Variants in GCN1 observed in about 807,000 individuals in gnomAD.
GCN1 encodes the protein GCN1 activator of EIF2AK4.
A neutral mutation model predicts 288.4 loss-of-function variants in GCN1; 90 were observed. The observed-to-expected ratio is 0.31, with a 90% confidence interval of 0.26 to 0.37. The LOEUF (loss-of-function observed/expected upper bound fraction) is 0.37, where lower values mean the gene tolerates loss of function less well. Ranked by LOEUF, GCN1 falls within the 10% of genes least tolerant of loss-of-function variation. GCN1 has a pLI of 1.00. For synonymous variants in GCN1, 1,386 were observed against 1,420.2 expected (o/e 0.98, Z 0.54); for missense variants, 2,586 against 3,419.9 (o/e 0.76, Z 6.08).
At chr12:120,175,064 T>A in intron 12 of GCN1, 98 bp downstream of exon 12, 1 of 1,002,148 alleles carries the variant, frequency 1.0e-6, no homozygotes, top group Non-Finnish European at 1.5e-6. Flanking sequence ...GAGGCAGAGG[T>A]TGCAGTGAGC....
At chr12:120,145,621 A>C (rs1173673438) in intron 38 of GCN1, among the ~76,000 whole-genome samples, 1 of 152,194 alleles carries the variant, frequency 6.6e-6, no homozygotes, top group African/African-American at 2.4e-5. Flanking sequence ...CTTAGGACCA[A>C]GGCCTGTCCA....
Position 120,162,020 on chromosome 12 carries a change from C to T in GCN1, c.2202G>A (p.Ser734=), listed in dbSNP as rs370980391. 1.4e-5 allele frequency: 22 copies of T among 1,613,370 alleles called. No homozygotes were observed. Among genetic ancestry groups the T allele is most frequent in the Admixed American group, 8.3e-5 (5 of 60,004 alleles). The change falls in exon 21 of 58, where the codon TCG becomes TCA. Residue 734 remains serine (S), a synonymous_variant. Coordinates refer to ENST00000300648, the MANE Select transcript of GCN1 (RefSeq NM_006836.2). ...MNAMGSLSVL[S]PDRVLPQLIS... ...TGAGCTGTGGGAGGACCCGGTCCGGCGACAGGACGGAAAGGGAGCCCATGG... is the reference window on the plus strand; with the variant it reads ...TGAGCTGTGGGAGGACCCGGTCCGGTGACAGGACGGAAAGGGAGCCCATGG...
intron 14 of GCN1, among the ~76,000 whole-genome samples, chr12:120,173,147 T>C (rs976284859): frequency 6.1e-5 from 9 of 147,378 alleles, no homozygotes; most frequent in African/African-American, 1.2e-4. Context: ...GCAACCTCCA[T>C]CTACCGGGTT....
At position 120,153,208 on chromosome 12, in the gene GCN1, G is replaced by T; in HGVS notation, c.4062+5C>A. On this transcript the variant is annotated splice_donor_5th_base_variant and intron_variant, in intron 33 of 57. Coordinates refer to ENST00000300648, the MANE Select transcript of GCN1 (RefSeq NM_006836.2). This position sits in a 1 kb window ranked among gnomAD's most constrained non-coding sequence, Gnocchi z 4.4. ...CATGTGGGTCCCAGGCCAGATGGCAGGTACCTGCTGGGAGGGGGTGGAGAG... is the reference window on the plus strand; with the variant it reads ...CATGTGGGTCCCAGGCCAGATGGCATGTACCTGCTGGGAGGGGGTGGAGAG... The T allele has an allele frequency of 6.2e-7, 1 of 1,613,304 alleles. No homozygotes were observed. Among genetic ancestry groups the T allele is most frequent in the South Asian group, 1.1e-5 (1 of 91,054 alleles).
chr12:120,152,663 T>C (rs975801719), intron 33 of GCN1, among the ~76,000 whole-genome samples: 1 of 136,292 alleles, frequency 7.3e-6, no homozygotes, highest in African/African-American at 2.7e-5. Context: ...ACACACAAAA[T>C]ATATATATAT....
Position 120,137,273 on chromosome 12 carries a change from T to C in GCN1, c.6710A>G (p.Lys2237Arg). ...CTCGTTCCCTATGAGCCGGATTTCC[T>C]TGTGCAGCTCTTCAATGAGTGCCAA... Reference protein sequence around the residue: ...NQLALIEELHKEIRLIGNESK... With the variant: ...NQLALIEELHREIRLIGNESK... The change falls in exon 50 of 58, where the codon AAG (lysine) becomes AGG (arginine). Residue 2237 changes from lysine (K) to arginine (R), a missense_variant. Lys to Arg is a conservative substitution (Grantham distance 26). This residue lies in a region of GCN1 where 437 missense variants were observed against 570.5 expected (regional missense o/e 0.77). Transcript: ENST00000300648. This position sits in a 1 kb window ranked among gnomAD's most constrained non-coding sequence, Gnocchi z 5.2. 1 of 1,614,162 alleles carries C rather than the reference T, an allele frequency of 6.2e-7. No individual in the cohort carries two copies. Among genetic ancestry groups the C allele is most frequent in the Non-Finnish European group, 8.5e-7 (1 of 1,180,014 alleles).
At chr12:120,181,972 C>T (rs1878679919) in intron 5 of GCN1, among the ~76,000 whole-genome samples, 2 of 151,458 alleles carry the variant, frequency 1.3e-5, no homozygotes, top group South Asian at 4.2e-4. Context: ...CATGGTGAAA[C>T]CCCATCTCTA....
rs766475634 is a variant in GCN1 at position 120,147,157 on chromosome 12, G to A, written c.4842C>T (p.Ala1614=). ...CTCTCTGGACAATGGGCATGATGAG[G>A]GCCAGGGATGGGGCATCAATGAAGT... The part of the protein sequence containing the change: ...FVHFIDAPSL[A]LIMPIVQRAF... The change falls in exon 38 of 58, where the codon GCC becomes GCT. Residue 1614 remains alanine (A), a synonymous_variant. Coordinates refer to ENST00000300648, the MANE Select transcript of GCN1 (RefSeq NM_006836.2). The A allele has an allele frequency of 1.2e-6, 2 of 1,612,978 alleles. No homozygotes were observed. The highest frequency in any genetic ancestry group is 8.5e-7 in the Non-Finnish European group (1 of 1,179,256).
intron 16 of GCN1, 124 bp downstream of exon 16, chr12:120,168,084 G>C (rs1450169598): frequency 2.8e-6 from 2 of 705,226 alleles, no homozygotes; most frequent in East Asian, 5.1e-5. Context: ...TAAGCTGTTG[G>C]CCAGATCACT....
Position 120,127,859 on chromosome 12 carries a change from A to C in GCN1, c.8006T>G (p.Ile2669Ser). Reference protein sequence around the residue: ...ADSTEQVDDTILT With the variant: ...ADSTEQVDDTSLT ...GCTGGCCCAGGCCTCTCATGTCAGG[A>C]TGGTGTCGTCCACCTGCTCCGTGGA... The change falls in exon 58 of 58, where the codon ATC becomes AGC. Residue 2669 changes from isoleucine (I) to serine (S), a missense_variant. Physicochemically the swap from Ile to Ser is moderately radical, Grantham distance 142. Transcript: ENST00000300648. 1.2e-6 allele frequency: 2 copies of C among 1,614,184 alleles called. No homozygotes were observed. The highest frequency in any genetic ancestry group is 1.7e-6 in the Non-Finnish European group (2 of 1,180,014).
intron 56 of GCN1, among the ~76,000 whole-genome samples, chr12:120,129,908 T>G (rs909691527): frequency 6.6e-6 from 1 of 152,150 alleles, no homozygotes; most frequent in African/African-American, 2.4e-5. Flanking sequence ...CCTGTCTGCC[T>G]TGTTCATCTC....
chr12:120,136,434 C>T, intron 51 of GCN1, 68 bp downstream of exon 51: 2 of 1,195,380 alleles, frequency 1.7e-6, no homozygotes, highest in Non-Finnish European at 2.5e-6. Context: ...TGCTACATGA[C>T]ACCTTGTATC....
intron 34 of GCN1, among the ~76,000 whole-genome samples, chr12:120,150,579 CA>C (rs1268790703): frequency 1.3e-4 from 18 of 137,032 alleles, no homozygotes; most frequent in African/African-American, 1.1e-4. Flanking sequence ...GACTCCATCT[CA>C]AAAAAAAAAG....
At position 120,177,388 on chromosome 12, in the gene GCN1, G is replaced by A. The variant is rs1878514529; in HGVS notation, c.838+59C>T. The A allele has an allele frequency of 7.4e-6, 6 of 813,336 alleles. No individual in the cohort carries two copies. The South Asian group carries it at 8.9e-5, about 12-fold the overall frequency. The allele number at this position is 813,336 out of a possible 1,614,324, so 50.4% of individuals were successfully genotyped here. A position where few individuals can be genotyped will look rare whatever the true frequency, so the allele number is the denominator to read the frequency against. On this transcript the variant is annotated intron_variant, in intron 9 of 57. Coordinates refer to ENST00000300648, the MANE Select transcript of GCN1 (RefSeq NM_006836.2). ...CACACACTTCTTGTTGCCAAATATC[G>A]AGAATAGAGATATAGGCAACTCATC...
rs56130412 is a variant in GCN1, at chr12:120,137,172, C to T, written c.6777+34G>A. ...GGCCAGAAGGGCACAACAGACTGCA[C>T]GCCCACAGCCCCCTGCACGAGGCCC... On this transcript the variant is annotated intron_variant, in intron 50 of 57. Transcript: ENST00000300648. This position sits in a 1 kb window ranked among gnomAD's most constrained non-coding sequence, Gnocchi z 5.2. The T allele has an allele frequency of 0.013, 18,839 of 1,476,374 alleles. 769 individuals are homozygous for T. Among genetic ancestry groups the T allele is most frequent in the African/African-American group, 0.1 (7,543 of 72,318 alleles). 91.5% of individuals were successfully genotyped at this position (1,476,374 alleles called of 1,614,324 possible). A position where few individuals can be genotyped will look rare whatever the true frequency, so the allele number is the denominator to read the frequency against.
At chr12:120,147,693 G>C (rs1877406375) in intron 37 of GCN1, among the ~76,000 whole-genome samples, 1 of 152,188 alleles carries the variant, frequency 6.6e-6, no homozygotes, top group South Asian at 2.1e-4. Context: ...TTTCCAGACT[G>C]AAGTACTGAC....
rs998570106 is a variant in GCN1, at chr12:120,134,829, A to G, written c.7009-103T>C. On this transcript the variant is annotated intron_variant, in intron 51 of 57. Transcript: ENST00000300648. This position sits in a 1 kb window ranked among gnomAD's most constrained non-coding sequence, Gnocchi z 5.0. ...ATGACAATCCCAAACCACCACAGCG[A>G]GTCCAGCTCTCATACAGGGCTGGGG... 5.2e-6 allele frequency: 5 copies of G among 966,008 alleles called. No homozygotes were observed. In the African/African-American group the frequency reaches 8.1e-5, roughly 16 times the overall value. 59.8% of individuals were successfully genotyped at this position (966,008 alleles called of 1,614,324 possible). A position where few individuals can be genotyped will look rare whatever the true frequency, so the allele number is the denominator to read the frequency against.
chr12:120,130,429 A>G (rs1876776527), intron 56 of GCN1, among the ~76,000 whole-genome samples: 1 of 152,240 alleles, frequency 6.6e-6, no homozygotes, highest in Non-Finnish European at 1.5e-5. Flanking sequence ...TCACGGGTCA[A>G]TTTGAGAATC....
chr12:120,177,838 C>A lies in GCN1; in HGVS notation c.661-86G>T, dbSNP rs552899942. 64 of 940,708 alleles carry A rather than the reference C, an allele frequency of 6.8e-5. No individual in the cohort carries two copies. In the African/African-American group the frequency reaches 1.0e-3, roughly 15 times the overall value. The allele number at this position is 940,708 out of a possible 1,614,324, so 58.3% of individuals were successfully genotyped here. ...AGGGGTCCCTCTTGTGAGAGTGCCTCCAAAAAATACAAATCAATGCCCCAA... is the reference window on the plus strand; with the variant it reads ...AGGGGTCCCTCTTGTGAGAGTGCCTACAAAAAATACAAATCAATGCCCCAA... On this transcript the variant is annotated intron_variant, in intron 7 of 57. Transcript: ENST00000300648.
Sources: allele counts gnomAD v4.1 joint callset (sites outside exome capture counted in the v4.1 genomes callset), GRCh38; gene constraint gnomAD v4.1.1; regional missense constraint gnomAD v4.1.1; non-coding constraint Gnocchi (gnomAD v3.1); transcripts MANE v1.5; gene names NCBI Gene and HGNC (gene_info 2026-07-23, HGNC 2026-07-21).